NBEA: variants seen among roughly 807,000 people sequenced by gnomAD.
NBEA encodes lysosomal-trafficking regulator 2.
NBEA carries 44 observed loss-of-function variants against 343.4 expected under a neutral mutation model. The ratio of observed to expected loss-of-function variants is 0.13; its 90% confidence interval spans 0.10 to 0.16. NBEA has a LOEUF of 0.16. Among genes scored for constraint, NBEA ranks in the 10% least tolerant of loss-of-function variants. The pLI, the probability that NBEA is intolerant of heterozygous loss-of-function variation, is 1.00. For synonymous variants in NBEA, 1,175 were observed against 1,238.7 expected (o/e 0.95, Z 1.08); for missense variants, 2,555 against 3,631.3 (o/e 0.70, Z 7.62).
chr13:35,180,368 T>G (rs527799945), intron 28 of NBEA, among the ~76,000 whole-genome samples: 2 of 151,766 alleles, frequency 1.3e-5, no homozygotes, highest in Admixed American at 6.6e-5. Flanking sequence ...GACTTGATAC[T>G]TATTGTTTCC....
At chr13:35,432,518 T>C in intron 39 of NBEA, 125 bp downstream of exon 39, 1 of 844,170 alleles carries the variant, frequency 1.2e-6, no homozygotes, top group East Asian at 3.1e-5. Flanking sequence ...AGAAATATTT[T>C]GTTCTGCTTT....
At chr13:34,946,247 G>T (rs554689489) in intron 1 of NBEA, among the ~76,000 whole-genome samples, 11 of 152,180 alleles carry the variant, frequency 7.2e-5, no homozygotes, top group African/African-American at 2.6e-4. Context: ...CAATATAAGA[G>T]AATTTAACTA....
chr13:35,628,043 T>A, intron 48 of NBEA, 38 bp from the exon 49 acceptor site: 1 of 1,560,520 alleles, frequency 6.4e-7, no homozygotes, highest in African/African-American at 1.4e-5. Context: ...GTGTACTAAG[T>A]TTTGATGGTC....
At chr13:35,481,782 A>ACATAT (rs1385384428) in intron 41 of NBEA, among the ~76,000 whole-genome samples, 1 of 151,882 alleles carries the variant, frequency 6.6e-6, no homozygotes, top group Non-Finnish European at 1.5e-5. Context: ...GGTATTTCCT[A>ACATAT]ACCTACAACA....
chr13:35,161,417 C>T (rs184566193), intron 22 of NBEA, among the ~76,000 whole-genome samples: 1 of 152,118 alleles, frequency 6.6e-6, no homozygotes, highest in Non-Finnish European at 1.5e-5. Flanking sequence ...TGTATATGCT[C>T]ACTTCATTAA....
At chr13:35,324,438 AAGATC>A (rs2038398247) in intron 36 of NBEA, among the ~76,000 whole-genome samples, 2 of 152,232 alleles carry the variant, frequency 1.3e-5, no homozygotes, top group South Asian at 4.1e-4. Flanking sequence ...GTCTCTTATA[AAGATC>A]CAGTCCCAGC....
At chr13:35,109,476 T>A in intron 12 of NBEA, 34 bp downstream of exon 12, 1 of 1,538,292 alleles carries the variant, frequency 6.5e-7, no homozygotes, top group Middle Eastern at 1.7e-4. Context: ...TTTGATTTAG[T>A]GTAATGTTAT....
chr13:34,945,826 A>G (rs1289151067), intron 1 of NBEA, among the ~76,000 whole-genome samples: 1 of 152,114 alleles, frequency 6.6e-6, no homozygotes, highest in Non-Finnish European at 1.5e-5. Context: ...TGTTTCTCAC[A>G]TGCCTTGGCC....
chr13:35,557,313 T>G (rs1432354316), intron 44 of NBEA, among the ~76,000 whole-genome samples: 1 of 152,154 alleles, frequency 6.6e-6, no homozygotes, highest in Non-Finnish European at 1.5e-5. Flanking sequence ...TACCACCCAC[T>G]TCATGCCTGT....
At chr13:34,991,999 G>A (rs1253048969) in intron 1 of NBEA, among the ~76,000 whole-genome samples, 1 of 148,740 alleles carries the variant, frequency 6.7e-6, no homozygotes, top group African/African-American at 2.5e-5. Flanking sequence ...CTGATGAGAA[G>A]AAAGTAGTCA....
intron 43 of NBEA, among the ~76,000 whole-genome samples, chr13:35,553,758 T>C (rs982061704): frequency 6.6e-6 from 1 of 152,188 alleles, no homozygotes; most frequent in Non-Finnish European, 1.5e-5. Context: ...GAAGGAGTCC[T>C]GCGATATCAC....
In NBEA at chr13:35,090,102, G is replaced by T. The variant is rs79734279; in HGVS notation, c.1572-8195G>T. ...TAAATAAATAAATAAAAATCTGGCT[G>T]TATTAGTCAGTGTAGGTTATATGAT... On this transcript the variant is annotated intron_variant, in intron 10 of 58. Transcript: ENST00000379939. Among the ~76,000 whole-genome samples, 40 of 73,224 alleles carry T rather than the reference G, an allele frequency of 5.5e-4. No individual in the cohort carries two copies. In the East Asian group the frequency reaches 0.015, roughly 27 times the overall value. 48.0% of individuals were successfully genotyped at this position (73,224 alleles called of 152,430 possible). A position where few individuals can be genotyped will look rare whatever the true frequency, so the allele number is the denominator to read the frequency against.
chr13:35,220,751 G>A (rs1387208986), intron 33 of NBEA, among the ~76,000 whole-genome samples: 2 of 152,160 alleles, frequency 1.3e-5, no homozygotes, highest in Non-Finnish European at 2.9e-5. Flanking sequence ...CAAATCTGAA[G>A]TTTTATCACT....
intron 38 of NBEA, among the ~76,000 whole-genome samples, chr13:35,405,509 G>T (rs899337408): frequency 6.6e-6 from 1 of 152,060 alleles, no homozygotes; most frequent in African/African-American, 2.4e-5. Flanking sequence ...TTAGATAATT[G>T]CAGTAGTAAA....
intron 17 of NBEA, among the ~76,000 whole-genome samples, chr13:35,133,581 A>G (rs2067546532): frequency 6.6e-6 from 1 of 152,142 alleles, no homozygotes; most frequent in Non-Finnish European, 1.5e-5. Context: ...AGGAGAACAG[A>G]TAAATAAACT....
intron 55 of NBEA, among the ~76,000 whole-genome samples, chr13:35,662,353 C>T (rs536588264): frequency 6.8e-4 from 104 of 152,272 alleles, no homozygotes; most frequent in Non-Finnish European, 1.3e-3. Flanking sequence ...CTCAGAGGGG[C>T]GGTCCACCTG....
At chr13:35,266,606 TCTCA>T (rs2033703306) in intron 34 of NBEA, among the ~76,000 whole-genome samples, 1 of 151,778 alleles carries the variant, frequency 6.6e-6, no homozygotes, top group South Asian at 2.1e-4. Flanking sequence ...TATTGCATCA[TCTCA>T]CTCACGTGTG....
intron 34 of NBEA, among the ~76,000 whole-genome samples, chr13:35,244,277 AT>A (rs1226199184): frequency 6.6e-6 from 1 of 151,916 alleles, no homozygotes; most frequent in Non-Finnish European, 1.5e-5. Context: ...TTATAAAAAA[AT>A]CAATATTTTT....
intron 1 of NBEA, among the ~76,000 whole-genome samples, chr13:34,954,010 C>T (rs1465802234): frequency 6.6e-6 from 1 of 152,176 alleles, no homozygotes; most frequent in Non-Finnish European, 1.5e-5. Flanking sequence ...AACCATTCCC[C>T]CTGAACCCCC....
Sources: gnomAD v4.1 joint callset for allele counts (sites outside exome capture counted in the v4.1 genomes callset) on GRCh38, gnomAD v4.1.1 for gene constraint, MANE v1.5 for transcripts, NCBI Gene and HGNC (gene_info 2026-07-23, HGNC 2026-07-21) for gene names.